The following BTBD9 variants were observed in gnomAD, a reference collection of about 807,000 sequenced individuals.
BTBD9 encodes the protein BTB/POZ domain-containing protein 9.
In BTBD9, 49 loss-of-function variants were observed where a neutral mutation model predicts 64.3. That is an observed-to-expected ratio of 0.76 (90% CI 0.61 to 0.97). The LOEUF (loss-of-function observed/expected upper bound fraction) is 0.97, where lower values mean the gene tolerates loss of function less well. BTBD9 is among the 50% of genes least tolerant of loss of function. The pLI is 0.00. For missense variants in BTBD9, 598 were observed against 762.1 expected (o/e 0.78, Z 2.53); for synonymous variants, 260 against 274.7 (o/e 0.95, Z 0.53).
intron 6 of BTBD9, among the ~76,000 whole-genome samples, chr6:38,573,503 A>T (rs1238026685): frequency 6.6e-6 from 1 of 151,984 alleles, no homozygotes; most frequent in Non-Finnish European, 1.5e-5. Flanking sequence ...AACGCTCCTA[A>T]TCCTCCTCTA....
intron 6 of BTBD9, among the ~76,000 whole-genome samples, chr6:38,475,314 T>C (rs1330288303): frequency 2.0e-5 from 3 of 152,210 alleles, no homozygotes; most frequent in Non-Finnish European, 4.4e-5. Flanking sequence ...GAAAATCTCC[T>C]AGTAACAGTT....
chr6:38,379,771 T>C (rs959480745), intron 6 of BTBD9, among the ~76,000 whole-genome samples: 10 of 152,206 alleles, frequency 6.6e-5, no homozygotes, highest in African/African-American at 2.2e-4. Context: ...GGATATTAAT[T>C]ATATTTGCAT....
rs550034288 is a variant in BTBD9, at chr6:38,534,818, C to T, written c.1154+42782G>A. 3.9e-5 allele frequency among the ~76,000 whole-genome samples: 6 copies of T among 152,204 alleles called. No homozygotes were observed. In the South Asian group the frequency reaches 1.2e-3, roughly 32 times the overall value. ...TGAAAAAGCATTTGATAAAATTCAA[C>T]TCCCTTCATGAGAAGAACCCTCAAG... On this transcript the variant is annotated intron_variant, in intron 6 of 10. Coordinates refer to ENST00000481247, the MANE Select transcript of BTBD9 (RefSeq NM_001099272.2).
intron 6 of BTBD9, among the ~76,000 whole-genome samples, chr6:38,502,328 A>T (rs1349782917): frequency 6.6e-6 from 1 of 152,048 alleles, no homozygotes; most frequent in Non-Finnish European, 1.5e-5. Context: ...ATATGAGTAC[A>T]TTTTTTTTCC....
In BTBD9 at chr6:38,290,081, G is replaced by T. The variant is rs12526138; in HGVS notation, c.1265-1620C>A. 7.0e-3 allele frequency among the ~76,000 whole-genome samples: 1,061 copies of T among 150,736 alleles called. 46 individuals are homozygous for T. The highest frequency in any genetic ancestry group is 0.054 in the Admixed American group (805 of 15,030). On this transcript the variant is annotated intron_variant, in intron 7 of 10. Transcript: ENST00000481247. Reference sequence around the variant, plus strand: ...TTATTTTCCAAAGTTGGACATGCTTGTACTTAAGCCCTCATCTCGTATGCC... The same window carrying T: ...TTATTTTCCAAAGTTGGACATGCTTTTACTTAAGCCCTCATCTCGTATGCC...
chr6:38,470,794 A>G (rs1770616015), intron 6 of BTBD9, among the ~76,000 whole-genome samples: 1 of 152,210 alleles, frequency 6.6e-6, no homozygotes, highest in African/African-American at 2.4e-5. Context: ...TTCAGAAGAG[A>G]GGAGCATTAG....
At position 38,267,810 on chromosome 6, in the gene BTBD9, G is replaced by A. The variant is rs1765064842; in HGVS notation, c.1455-11294C>T. 1.3e-5 allele frequency among the ~76,000 whole-genome samples: 2 copies of A among 152,122 alleles called. 1 individual carries two copies. The highest frequency in any genetic ancestry group is 1.3e-4 in the Admixed American group (2 of 15,268). Reference sequence around the variant, plus strand: ...AAAAAATTAGCTGGGCGAGGTGGCAGGCGCCTGTAGTCCCAGCTACTCGGG... The same window carrying A: ...AAAAAATTAGCTGGGCGAGGTGGCAAGCGCCTGTAGTCCCAGCTACTCGGG... On this transcript the variant is annotated intron_variant, in intron 8 of 10. Coordinates refer to ENST00000481247, the MANE Select transcript of BTBD9 (RefSeq NM_001099272.2).
chr6:38,601,672 C>CA (rs2127500746), intron 1 of BTBD9, among the ~76,000 whole-genome samples: 2 of 152,076 alleles, frequency 1.3e-5, no homozygotes, highest in African/African-American at 4.8e-5. Flanking sequence ...GGCAACACAG[C>CA]AAGACCCTGT....
intron 10 of BTBD9, among the ~76,000 whole-genome samples, chr6:38,189,661 TTTTC>T (rs1391091333): frequency 1.6e-4 from 21 of 128,608 alleles, no homozygotes; most frequent in Admixed American, 4.7e-4. Flanking sequence ...TGCTAATTGG[TTTTC>T]TTTCTTTCTT....
chr6:38,528,003 G>A (rs148825478), intron 6 of BTBD9, among the ~76,000 whole-genome samples: 91 of 152,226 alleles, frequency 6.0e-4, no homozygotes, highest in African/African-American at 2.0e-3. Context: ...TAAGGAAAGA[G>A]GCACTGAAGA....
At chr6:38,355,694 A>G (rs4714149) in intron 6 of BTBD9, among the ~76,000 whole-genome samples, 49,310 of 152,106 alleles carry the variant, frequency 0.32, 9,020 homozygotes, top group East Asian at 0.82. Context: ...TCATTAAAAC[A>G]AAACAAAGCT....
chr6:38,222,923 T>G (rs942447421), intron 9 of BTBD9, among the ~76,000 whole-genome samples: 35 of 152,318 alleles, frequency 2.3e-4, no homozygotes, highest in African/African-American at 8.4e-4. Flanking sequence ...ATTTATTTTT[T>G]AAGATGGAGT....
intron 7 of BTBD9, among the ~76,000 whole-genome samples, chr6:38,324,024 G>A (rs1345924170): frequency 6.6e-6 from 1 of 152,136 alleles, no homozygotes; most frequent in African/African-American, 2.4e-5. Context: ...GATGGCTTGA[G>A]CCCAGGAGGT....
At chr6:38,384,540 C>T (rs1337598808) in intron 6 of BTBD9, among the ~76,000 whole-genome samples, 1 of 152,200 alleles carries the variant, frequency 6.6e-6, no homozygotes, top group Non-Finnish European at 1.5e-5. Flanking sequence ...CACTTATAAA[C>T]TGCAATAACC....
intron 8 of BTBD9, among the ~76,000 whole-genome samples, chr6:38,277,332 C>A (rs142595503): frequency 0.02 from 2,985 of 151,172 alleles, 61 homozygotes; most frequent in Middle Eastern, 0.054. Context: ...CTTTTATTTA[C>A]AGAACTTTTT....
intron 1 of BTBD9, among the ~76,000 whole-genome samples, chr6:38,632,943 A>G (rs975991143): frequency 6.6e-6 from 1 of 152,142 alleles, no homozygotes; most frequent in South Asian, 2.1e-4. Context: ...ATTTGAAAAA[A>G]ATAAAAATAA....
At position 38,490,310 on chromosome 6, in the gene BTBD9, G is replaced by C. The variant is rs184718021; in HGVS notation, c.1154+87290C>G. ...AGGTATGGACACTACACTCTCAAAA[G>C]ACACATCCATTTCTTTTTTCTTTTT... is the stretch of plus-strand genomic sequence containing the variant. On this transcript the variant is annotated intron_variant, in intron 6 of 10. Transcript: ENST00000481247. 3.9e-4 allele frequency among the ~76,000 whole-genome samples: 59 copies of C among 152,216 alleles called. 1 individual carries two copies. Among genetic ancestry groups the C allele is most frequent in the Middle Eastern group, 3.4e-3 (1 of 294 alleles).
At chr6:38,564,973 T>C (rs1775425671) in intron 6 of BTBD9, among the ~76,000 whole-genome samples, 1 of 152,144 alleles carries the variant, frequency 6.6e-6, no homozygotes, top group Admixed American at 6.5e-5. Flanking sequence ...CACCATTTTT[T>C]TTCTTAAATA....
At chr6:38,316,014 A>G (rs1763015371) in intron 7 of BTBD9, among the ~76,000 whole-genome samples, 1 of 152,180 alleles carries the variant, frequency 6.6e-6, no homozygotes, top group Non-Finnish European at 1.5e-5. Context: ...TATATTTATA[A>G]TTGTCATATC....
Sources: gnomAD v4.1 joint callset for allele counts (sites outside exome capture counted in the v4.1 genomes callset) on GRCh38, gnomAD v4.1.1 for gene constraint, MANE v1.5 for transcripts, NCBI Gene and HGNC (gene_info 2026-07-23, HGNC 2026-07-21) for gene names.